The following CSRP1 variants were observed in gnomAD, a reference collection of about 807,000 sequenced individuals.
CSRP1 encodes the protein cysteine and glycine-rich protein 1.
CSRP1 carries 16 observed loss-of-function variants against 25.4 expected under a neutral mutation model. That is an observed-to-expected ratio of 0.63 (90% CI 0.43 to 0.96). CSRP1 has a LOEUF of 0.96. Among genes scored for constraint, CSRP1 ranks in the 40% least tolerant of loss-of-function variants. The pLI, the probability that CSRP1 is intolerant of heterozygous loss-of-function variation, is 0.00. For synonymous variants in CSRP1, 97 were observed against 95.3 expected, an observed-to-expected ratio of 1.02 and a Z score of -0.10; for missense variants, 212 against 243.6, an observed-to-expected ratio of 0.87 and a Z score of 0.86.
intron 2 of CSRP1, 55 bp downstream of exon 2, chr1:201,496,118 ACAGGCCCAGCCTGTGGGGG>A (rs943343272): frequency 1.0e-4 from 120 of 1,157,582 alleles, no homozygotes; most frequent in Non-Finnish European, 1.5e-4. Flanking sequence ...TGGGGTGTTG[ACAGGCCCAGCCTGTGGGGG>A]CAGGCCCGTC....
At chr1:201,485,135 C>G in intron 5 of CSRP1, 148 bp downstream of exon 5, 2 of 748,310 alleles carry the variant, frequency 2.7e-6, no homozygotes, top group East Asian at 2.5e-5. Context: ...GTCTTGTTTC[C>G]TCATCTGTAC....
At position 201,486,425 on chromosome 1, in the gene CSRP1, G is replaced by T; in HGVS notation, c.412-1049C>A. The T allele has an allele frequency of 4.1e-6, 4 of 985,600 alleles. No individual in the cohort carries two copies. In the South Asian group the frequency reaches 1.9e-4, roughly 46 times the overall value. The allele number at this position is 985,600 out of a possible 1,614,324, so 61.1% of individuals were successfully genotyped here. On this transcript the variant is annotated intron_variant, in intron 4 of 5. Coordinates refer to ENST00000340006, the MANE Select transcript of CSRP1 (RefSeq NM_004078.3). ...TTTTAAGGGCAAAGACACTCCCAGT[G>T]CCCAGGCTGGTGGATGAGAAAGGAA... is the stretch of plus-strand genomic sequence containing the variant.
At chr1:201,505,786 G>C (rs542362690) in intron 1 of CSRP1, among the ~76,000 whole-genome samples, 11 of 152,348 alleles carry the variant, frequency 7.2e-5, no homozygotes, top group African/African-American at 2.6e-4. Context: ...ACCAGCTGGA[G>C]AGTCAGGAGG....
intron 3 of CSRP1, 167 bp from the exon 4 acceptor site, chr1:201,489,151 T>C (rs1571775667): frequency 8.3e-6 from 6 of 727,094 alleles, no homozygotes; most frequent in Non-Finnish European, 1.3e-5. Flanking sequence ...ATTTTACAGA[T>C]GGACAAACCA....
chr1:201,490,115 G>T lies in CSRP1; in HGVS notation c.281+61C>A. On this transcript the variant is annotated intron_variant, in intron 3 of 5. Transcript: ENST00000340006. ...AAAAATGGTTGTAAATACACATGAG[G>T]CCTAATACAGGGTGGGGGAGAGAGC... is the stretch of plus-strand genomic sequence containing the variant. 2.0e-6 allele frequency: 3 copies of T among 1,532,532 alleles called. No individual in the cohort carries two copies. The South Asian group carries it at 3.6e-5, about 18-fold the overall frequency. The allele number at this position is 1,532,532 out of a possible 1,614,324, so 94.9% of individuals were successfully genotyped here.
intron 3 of CSRP1, 124 bp from the exon 4 acceptor site, chr1:201,489,108 T>C (rs985887044): frequency 1.5e-6 from 2 of 1,297,690 alleles, no homozygotes; most frequent in Non-Finnish European, 2.1e-6. Flanking sequence ...TCTGCCAAAG[T>C]CACAAAGGCT....
chr1:201,496,015 T>G, intron 2 of CSRP1, 177 bp downstream of exon 2: 2 of 582,480 alleles, frequency 3.4e-6, no homozygotes, highest in South Asian at 4.5e-5. Context: ...GAAAGAAGCT[T>G]CTGAACGGAA....
rs768399441 is a variant in CSRP1, at chr1:201,496,257, G to A, written c.47C>T (p.Thr16Met). The change falls in exon 2 of 6, where the codon ACG (threonine) becomes ATG (methionine). Residue 16 changes from threonine to methionine, a missense_variant. Transcript: ENST00000340006. ...CTGAACCTCTTCGGCAAAGTAAACCGTCTTCTGACACACCCCACATTTCTT... is the reference window on the plus strand; with the variant it reads ...CTGAACCTCTTCGGCAAAGTAAACCATCTTCTGACACACCCCACATTTCTT... Reference protein sequence around the residue: ...GGKKCGVCQKTVYFAEEVQCE... With the variant: ...GGKKCGVCQKMVYFAEEVQCE... The A allele has an allele frequency of 1.8e-5, 29 of 1,614,040 alleles. No homozygotes were observed. The highest frequency in any genetic ancestry group is 1.6e-4 in the East Asian group (7 of 44,898).
At chr1:201,484,822 C>A in intron 5 of CSRP1, 33 bp from the exon 6 acceptor site, 1 of 1,579,910 alleles carries the variant, frequency 6.3e-7, no homozygotes, top group Non-Finnish European at 8.6e-7. Flanking sequence ...AGGGCATGTT[C>A]TTCCTCCACC....
intron 1 of CSRP1, among the ~76,000 whole-genome samples, chr1:201,503,124 G>A (rs1480984252): frequency 6.6e-6 from 1 of 152,114 alleles, no homozygotes; most frequent in Non-Finnish European, 1.5e-5. Context: ...CAGCCTGGGG[G>A]ACAAAAGCGA....
In CSRP1 at chr1:201,490,205, C is replaced by T. The variant is rs1258506356; in HGVS notation, c.252G>A (p.Lys84=). The T allele has an allele frequency of 6.2e-7, 1 of 1,614,038 alleles. No individual in the cohort carries two copies. The highest frequency in any genetic ancestry group is 1.3e-5 in the African/African-American group (1 of 74,922). The change falls in exon 3 of 6, where the codon AAG becomes AAA. Residue 84 remains lysine, a synonymous_variant. Transcript: ENST00000340006. ...GQGAGTLSTD[K]GESLGIKHEE... is the part of the protein sequence containing the mutation. ...CGTGCTTGATACCCAGCGACTCCCCCTTGTCAGTGCTGAGGGTGCCTGCGC... is the reference window on the plus strand; with the variant it reads ...CGTGCTTGATACCCAGCGACTCCCCTTTGTCAGTGCTGAGGGTGCCTGCGC...
chr1:201,490,533 G>T, intron 2 of CSRP1, 189 bp from the exon 3 acceptor site: 1 of 562,874 alleles, frequency 1.8e-6, no homozygotes, highest in Non-Finnish European at 3.1e-6. Flanking sequence ...GATGGGATCT[G>T]CATATCCGAC....
At chr1:201,496,600 A>T (rs1664523233) in intron 1 of CSRP1, 8 of 427,802 alleles carry the variant, frequency 1.9e-5, no homozygotes, top group South Asian at 1.6e-4. Flanking sequence ...AGCAGGCTTT[A>T]TAAAGAAGGC....
At chr1:201,497,358 C>CAAAAAAAAAAAAA (rs71564149) in intron 1 of CSRP1, among the ~76,000 whole-genome samples, 1 of 44,576 alleles carries the variant, frequency 2.2e-5, no homozygotes, top group Admixed American at 3.7e-4. Context: ...GACTCTGTCT[C>CAAAAAAAAAAAAA]AAAAAAAAAA....
chr1:201,501,005 A>G (rs1043397971), intron 1 of CSRP1, among the ~76,000 whole-genome samples: 2 of 152,214 alleles, frequency 1.3e-5, no homozygotes, highest in Admixed American at 6.5e-5. Flanking sequence ...GATTCGATCA[A>G]TATGGATTTA....
rs1332239968 is a variant in CSRP1 at position 201,484,402 on chromosome 1, G to A, written c.*311C>T. The stretch of plus-strand genomic sequence containing the variant: ...GTCTTGGTCAGCTGATGATGGACAC[G>A]CAGCACAGGAGGCTAAGAACAGAGC... On this transcript the variant is annotated 3_prime_UTR_variant, in exon 6 of 6. Transcript: ENST00000340006. 2.0e-5 allele frequency: 10 copies of A among 500,732 alleles called. No homozygotes were observed. Among genetic ancestry groups the A allele is most frequent in the African/African-American group, 1.1e-4 (6 of 52,812 alleles). 31.0% of individuals were successfully genotyped at this position (500,732 alleles called of 1,614,324 possible). A position where few individuals can be genotyped will look rare whatever the true frequency, so the allele number is the denominator to read the frequency against.
At chr1:201,487,056 T>C (rs1664171066) in intron 4 of CSRP1, 2 of 1,128,322 alleles carry the variant, frequency 1.8e-6, no homozygotes, top group Non-Finnish European at 2.4e-6. Flanking sequence ...AGCAAAACTG[T>C]ACTGAGGACA....
chr1:201,485,718 G>T (rs1229157784), intron 4 of CSRP1: 3 of 293,696 alleles, frequency 1.0e-5, no homozygotes, highest in East Asian at 7.1e-5. Flanking sequence ...GACCCATCTT[G>T]CCAGTAGATC....
chr1:201,495,127 G>A (rs1269542346), intron 2 of CSRP1, among the ~76,000 whole-genome samples: 1 of 152,174 alleles, frequency 6.6e-6, no homozygotes, highest in East Asian at 1.9e-4. Context: ...CGGGCACAGT[G>A]GCTCACACCT....
Sources: allele counts gnomAD v4.1 joint callset (sites outside exome capture counted in the v4.1 genomes callset), GRCh38; gene constraint gnomAD v4.1.1; transcripts MANE v1.5; gene names NCBI Gene and HGNC (gene_info 2026-07-23, HGNC 2026-07-21).